The following SULF2 variants were observed in gnomAD, a reference collection of about 807,000 sequenced individuals.
The protein encoded by SULF2 is sulfatase 2.
SULF2 carries 52 observed loss-of-function variants against 107.7 expected under a neutral mutation model. That is an observed-to-expected ratio of 0.48 (90% CI 0.39 to 0.61). SULF2 has a LOEUF of 0.61. Ranked by LOEUF, SULF2 falls within the 20% of genes least tolerant of loss-of-function variation. The pLI, the probability that SULF2 is intolerant of heterozygous loss-of-function variation, is 0.00. For synonymous variants in SULF2, 460 were observed against 464.3 expected (o/e 0.99, Z 0.12); for missense variants, 993 against 1,177.3 (o/e 0.84, Z 2.29).
At chr20:47,730,505 C>G (rs774803600) in intron 3 of SULF2, among the ~76,000 whole-genome samples, 1 of 152,130 alleles carries the variant, frequency 6.6e-6, no homozygotes. Context: ...GGCTGGAGTG[C>G]AGTGGTGCAA....
chr20:47,778,093 A>C (rs192709036), intron 1 of SULF2, among the ~76,000 whole-genome samples: 2 of 152,222 alleles, frequency 1.3e-5, no homozygotes, highest in Admixed American at 1.3e-4. Context: ...GTGAACTGAG[A>C]CTGTGCCACT....
chr20:47,719,005 T>C (rs1168174796), intron 3 of SULF2, among the ~76,000 whole-genome samples: 1 of 152,248 alleles, frequency 6.6e-6, no homozygotes, highest in Admixed American at 6.5e-5. Context: ...AGTATGTATT[T>C]GTTTATTTTC....
chr20:47,720,139 G>A (rs1363829704), intron 3 of SULF2, among the ~76,000 whole-genome samples: 1 of 152,012 alleles, frequency 6.6e-6, no homozygotes, highest in Non-Finnish European at 1.5e-5. Context: ...TTTTTTATTA[G>A]AGACGGGGTT....
chr20:47,681,795 C>T (rs1183375651), intron 7 of SULF2, among the ~76,000 whole-genome samples: 1 of 152,240 alleles, frequency 6.6e-6, no homozygotes, highest in African/African-American at 2.4e-5. Context: ...AAGCGATTCT[C>T]CTGCCTCAGC....
intron 11 of SULF2, 60 bp downstream of exon 11, chr20:47,672,138 G>C: frequency 2.0e-6 from 3 of 1,526,244 alleles, no homozygotes; most frequent in Non-Finnish European, 2.7e-6. Context: ...GTGAATGAAT[G>C]GGGCCCCCCA....
At position 47,785,476 on chromosome 20, in the gene SULF2, G is replaced by A. The variant is rs1034184121; in HGVS notation, c.-234C>T. Reference sequence around the variant, plus strand: ...TGCCGCCGCCGCCGCCGCCGCTGCCGCTGCTGCATCCCCCGGCGAGCGCTG... The same window carrying A: ...TGCCGCCGCCGCCGCCGCCGCTGCCACTGCTGCATCCCCCGGCGAGCGCTG... On this transcript the variant is annotated 5_prime_UTR_variant, in exon 1 of 21. Transcript: ENST00000688720. 3 of 157,860 alleles carry A rather than the reference G, an allele frequency of 1.9e-5. No individual in the cohort carries two copies. Among genetic ancestry groups the A allele is most frequent in the Admixed American group, 6.7e-5 (1 of 14,824 alleles). 9.8% of individuals were successfully genotyped at this position (157,860 alleles called of 1,614,324 possible). A position where few individuals can be genotyped will look rare whatever the true frequency, so the allele number is the denominator to read the frequency against.
chr20:47,675,682 A>G (rs2146463918), intron 10 of SULF2, among the ~76,000 whole-genome samples: 1 of 152,060 alleles, frequency 6.6e-6, no homozygotes, highest in East Asian at 1.9e-4. Flanking sequence ...CAGGGCAGGG[A>G]CACACCTCCG....
At chr20:47,731,185 CTCTT>C (rs139290036) in intron 3 of SULF2, among the ~76,000 whole-genome samples, 3,827 of 92,930 alleles carry the variant, frequency 0.041, 77 homozygotes, top group East Asian at 0.089. Context: ...CCTGTATCTT[CTCTT>C]TTTTTTTTTT....
intron 2 of SULF2, among the ~76,000 whole-genome samples, chr20:47,751,712 A>T (rs2090161197): frequency 6.6e-6 from 1 of 152,194 alleles, no homozygotes; most frequent in Non-Finnish European, 1.5e-5. Context: ...AGTCCAATAA[A>T]GTCCCCTTTT....
At position 47,675,356 on chromosome 20, in the gene SULF2, G is replaced by A. The variant is rs116451437; in HGVS notation, c.1380+1138C>T. 3.0e-3 allele frequency among the ~76,000 whole-genome samples: 464 copies of A among 152,288 alleles called. 4 individuals carry two copies. Among genetic ancestry groups the A allele is most frequent in the African/African-American group, 0.011 (450 of 41,558 alleles). On this transcript the variant is annotated intron_variant, in intron 10 of 20. Transcript: ENST00000688720. ...CCTAGGACAGTGCCTGGCAAGCGGG[G>A]GGACGCATTCATGCTGTACAACGGA...
At chr20:47,661,724 C>G (rs753689201) in intron 18 of SULF2, 49 bp downstream of exon 18, 4 of 1,444,660 alleles carry the variant, frequency 2.8e-6, no homozygotes, top group South Asian at 1.5e-5. Context: ...GAGTCCCTTC[C>G]TTTGGTTACC....
In SULF2 at chr20:47,684,530, G is replaced by A. The variant is rs1316294765; in HGVS notation, c.789C>T (p.Arg263=). ...GGATGGGCTTCATGGGCCCCGTGTA[G>A]CGCATGATCCAGTGTTTGTCCGGGT... is the stretch of plus-strand genomic sequence containing the variant. ...APNPDKHWIM[R]YTGPMKPIHM... is the part of the protein sequence containing the mutation. Residue 263 remains arginine (R), a synonymous_variant, in exon 6 of 21, where the codon CGC becomes CGT. Coordinates refer to ENST00000688720, the MANE Select transcript of SULF2 (RefSeq NM_001387048.1). 1.2e-6 allele frequency: 2 copies of A among 1,614,072 alleles called. No individual in the cohort carries two copies. Among genetic ancestry groups the A allele is most frequent in the Non-Finnish European group, 1.7e-6 (2 of 1,180,008 alleles).
chr20:47,667,486 GATGTA>G (rs1486928787), intron 11 of SULF2, among the ~76,000 whole-genome samples: 237 of 152,244 alleles, frequency 1.6e-3, no homozygotes, highest in African/African-American at 5.2e-3. Context: ...TGGTGGCGGT[GATGTA>G]GGGATCCAGA....
Position 47,702,535 on chromosome 20 carries a change from C to T in SULF2, c.551G>A (p.Gly184Asp), listed in dbSNP as rs2088605250. The change falls in exon 4 of 21, where the codon GGC becomes GAC. Residue 184 changes from glycine to aspartate, a missense_variant. By Grantham distance (94) the Gly-to-Asp change is moderately conservative. Transcript: ENST00000688720. The part of the protein sequence containing the change: ...LCRNGVKEKH[G>D]SDYSKDYLTD... ...GCAGCTTACCTTGGAGTAGTCGGAG[C>T]CGTGCTTCTCTTTCACCCCGTTCCG... 6.2e-7 allele frequency: 1 copy of T among 1,612,438 alleles called. No individual in the cohort carries two copies. The highest frequency in any genetic ancestry group is 8.5e-7 in the Non-Finnish European group (1 of 1,179,942).
chr20:47,747,767 C>T (rs2090076409), intron 2 of SULF2, among the ~76,000 whole-genome samples: 1 of 152,064 alleles, frequency 6.6e-6, no homozygotes. Flanking sequence ...CCCCGCCTTC[C>T]CATCTCTGTA....
At chr20:47,728,435 G>T (rs1398114713) in intron 3 of SULF2, among the ~76,000 whole-genome samples, 1 of 152,126 alleles carries the variant, frequency 6.6e-6, no homozygotes, top group Non-Finnish European at 1.5e-5. Context: ...CTGAGATGGT[G>T]GGAGTGGGGG....
chr20:47,683,898 G>C (rs935818008), intron 6 of SULF2, among the ~76,000 whole-genome samples: 3 of 152,220 alleles, frequency 2.0e-5, no homozygotes, highest in African/African-American at 7.2e-5. Context: ...GGCACAGAAG[G>C]CCACAGCGTG....
At chr20:47,744,982 A>G (rs1889196) in intron 2 of SULF2, among the ~76,000 whole-genome samples, 94,321 of 151,776 alleles carry the variant, frequency 0.62, 29,396 homozygotes, top group East Asian at 0.72. Flanking sequence ...TATACACTTC[A>G]GTCCTAGACT....
intron 18 of SULF2, 68 bp downstream of exon 18, chr20:47,661,705 C>T (rs968800304): frequency 7.2e-7 from 1 of 1,383,984 alleles, no homozygotes; most frequent in Non-Finnish European, 9.5e-7. Context: ...GGGGTAGACA[C>T]CACCTCCTGA....
Sources: gnomAD v4.1 joint callset for allele counts (sites outside exome capture counted in the v4.1 genomes callset) on GRCh38, gnomAD v4.1.1 for gene constraint, MANE v1.5 for transcripts, NCBI Gene and HGNC (gene_info 2026-07-23, HGNC 2026-07-21) for gene names.